ZFPM2: variants seen among roughly 807,000 people sequenced by gnomAD.
The protein encoded by ZFPM2 is zinc finger protein, FOG family member 2.
ZFPM2 carries 20 observed loss-of-function variants against 98.6 expected under a neutral mutation model. The ratio of observed to expected loss-of-function variants is 0.20; its 90% CI spans 0.14 to 0.29. The LOEUF (loss-of-function observed/expected upper bound fraction) is 0.29, where lower values mean the gene tolerates loss of function less well. Ranked by LOEUF, ZFPM2 falls within the 10% of genes least tolerant of loss-of-function variation. ZFPM2 has a pLI of 1.00. For synonymous variants in ZFPM2, 518 were observed against 502.7 expected (o/e 1.03, Z -0.41); for missense variants, 1,310 against 1,388.6 (o/e 0.94, Z 0.90).
chr8:105,512,355 A>G (rs1266401254), intron 3 of ZFPM2, among the ~76,000 whole-genome samples: 1 of 152,196 alleles, frequency 6.6e-6, no homozygotes, highest in African/African-American at 2.4e-5. Context: ...TTTCTCTTCT[A>G]TGAAATGGGA....
At chr8:105,614,100 T>G (rs985510764) in intron 4 of ZFPM2, among the ~76,000 whole-genome samples, 1 of 152,188 alleles carries the variant, frequency 6.6e-6, no homozygotes, top group East Asian at 1.9e-4. Context: ...AACACATCTC[T>G]TAGTTCTCTT....
chr8:105,698,376 A>C (rs913723566), intron 5 of ZFPM2, among the ~76,000 whole-genome samples: 1 of 152,236 alleles, frequency 6.6e-6, no homozygotes, highest in Non-Finnish European at 1.5e-5. Flanking sequence ...TGCAAAATGC[A>C]TATCAACATA....
intron 1 of ZFPM2, among the ~76,000 whole-genome samples, chr8:105,321,057 G>A (rs1311695549): frequency 2.0e-5 from 3 of 152,172 alleles, no homozygotes; most frequent in South Asian, 4.1e-4. Flanking sequence ...CCATTCCACC[G>A]TTAAGAAAAG....
At chr8:105,524,501 T>TCTCA (rs1201025091) in intron 3 of ZFPM2, among the ~76,000 whole-genome samples, 2 of 148,786 alleles carry the variant, frequency 1.3e-5, no homozygotes, top group African/African-American at 5.1e-5. Flanking sequence ...TCTCTCTCTC[T>TCTCA]CACACACACA....
intron 3 of ZFPM2, among the ~76,000 whole-genome samples, chr8:105,453,252 A>G (rs1158758954): frequency 1.3e-5 from 2 of 152,206 alleles, no homozygotes; most frequent in Admixed American, 1.3e-4. Context: ...AGTGGTCTCA[A>G]CTTCAGAGAG....
chr8:105,651,979 A>G (rs868105724), intron 5 of ZFPM2, among the ~76,000 whole-genome samples: 2 of 152,158 alleles, frequency 1.3e-5, no homozygotes, highest in African/African-American at 4.8e-5. Flanking sequence ...TGTTGCATAT[A>G]TACATAGCAT....
chr8:105,546,858 A>G (rs1001012934), intron 3 of ZFPM2, among the ~76,000 whole-genome samples: 6 of 152,164 alleles, frequency 3.9e-5, no homozygotes, highest in African/African-American at 1.4e-4. Flanking sequence ...ACTTTTAATG[A>G]TTTATGAAAT....
chr8:105,427,326 C>T (rs1476684529), intron 2 of ZFPM2, among the ~76,000 whole-genome samples: 3 of 152,018 alleles, frequency 2.0e-5, no homozygotes, highest in Non-Finnish European at 2.9e-5. Flanking sequence ...TAATTTTATA[C>T]AATGTTTGAA....
chr8:105,699,838 G>A (rs1357082130), intron 5 of ZFPM2, among the ~76,000 whole-genome samples: 12 of 151,876 alleles, frequency 7.9e-5, no homozygotes, highest in East Asian at 7.7e-4. Flanking sequence ...AACATTCAAC[G>A]AATATTATTT....
chr8:105,776,919 A>G (rs1813118303), intron 5 of ZFPM2, among the ~76,000 whole-genome samples: 1 of 152,206 alleles, frequency 6.6e-6, no homozygotes, highest in African/African-American at 2.4e-5. Context: ...TATATATAAC[A>G]TATGTGTAAA....
chr8:105,330,557 T>TATATATATATACATATATATATAC (rs1554594968), intron 1 of ZFPM2, among the ~76,000 whole-genome samples: 1 of 120,822 alleles, frequency 8.3e-6, no homozygotes, highest in Non-Finnish European at 1.7e-5. Context: ...TATATACATA[T>TATATATATATACATATATATATAC]ATATATATAT....
intron 4 of ZFPM2, among the ~76,000 whole-genome samples, chr8:105,609,783 A>G (rs1360725981): frequency 6.6e-6 from 1 of 152,234 alleles, no homozygotes; most frequent in Non-Finnish European, 1.5e-5. Flanking sequence ...TTTGTGAAAC[A>G]TACAGCTCTT....
intron 3 of ZFPM2, among the ~76,000 whole-genome samples, chr8:105,546,218 A>G (rs1814693745): frequency 6.6e-6 from 1 of 152,172 alleles, no homozygotes; most frequent in Non-Finnish European, 1.5e-5. Flanking sequence ...GCAAATCTGC[A>G]TGTTGAACGA....
At chr8:105,633,727 C>T (rs1816794741) in intron 4 of ZFPM2, among the ~76,000 whole-genome samples, 1 of 152,124 alleles carries the variant, frequency 6.6e-6, no homozygotes, top group African/African-American at 2.4e-5. Flanking sequence ...AGTGAGACTA[C>T]ATATCCACAC....
chr8:105,618,857 T>G (rs1816472790), intron 4 of ZFPM2, among the ~76,000 whole-genome samples: 2 of 152,144 alleles, frequency 1.3e-5, no homozygotes, highest in Non-Finnish European at 2.9e-5. Context: ...TATTAATGAA[T>G]AAGGCATGCT....
chr8:105,648,293 A>G (rs1489819752), intron 5 of ZFPM2, among the ~76,000 whole-genome samples: 1 of 152,086 alleles, frequency 6.6e-6, no homozygotes, highest in Non-Finnish European at 1.5e-5. Flanking sequence ...TTGTCAGATG[A>G]GTAGATTGCA....
intron 5 of ZFPM2, among the ~76,000 whole-genome samples, chr8:105,718,396 T>C (rs1811575410): frequency 6.6e-6 from 1 of 151,976 alleles, no homozygotes; most frequent in African/African-American, 2.4e-5. Flanking sequence ...ATGAGAACTT[T>C]AGCGTATGTC....
intron 4 of ZFPM2, among the ~76,000 whole-genome samples, chr8:105,607,350 A>G (rs1336956032): frequency 6.6e-6 from 1 of 152,092 alleles, no homozygotes; most frequent in South Asian, 2.1e-4. Context: ...AAAATGTAAT[A>G]AATTTTATCT....
intron 3 of ZFPM2, among the ~76,000 whole-genome samples, chr8:105,451,358 C>G (rs1313466883): frequency 2.6e-5 from 4 of 152,118 alleles, no homozygotes; most frequent in African/African-American, 9.7e-5. Flanking sequence ...AGTAGAAGCT[C>G]CCTCTCTAAA....
Sources: gnomAD v4.1 joint callset for allele counts (sites outside exome capture counted in the v4.1 genomes callset) on GRCh38, gnomAD v4.1.1 for gene constraint, MANE v1.5 for transcripts, NCBI Gene and HGNC (gene_info 2026-07-23, HGNC 2026-07-21) for gene names.